Variants in PLA2G12B observed in about 807,000 individuals in gnomAD.
The protein encoded by PLA2G12B is phospholipase A2 group XIIB, also known as group XIIB secretory phospholipase A2-like protein.
Under a neutral mutation model 22.3 loss-of-function variants are expected in PLA2G12B, and 19 were observed. That is an observed-to-expected ratio of 0.85 (90% CI 0.60 to 1.25). The LOEUF (loss-of-function observed/expected upper bound fraction) is 1.25. Ranked by LOEUF, PLA2G12B falls within the 50% of genes most tolerant of loss-of-function variation. The pLI, the probability that PLA2G12B is intolerant of heterozygous loss-of-function variation, is 0.00. For synonymous variants in PLA2G12B, 81 were observed against 94.9 expected, an observed-to-expected ratio of 0.85 and a Z score of 0.85; for missense variants, 191 against 246.6, an observed-to-expected ratio of 0.77 and a Z score of 1.51.
chr10:72,936,804 A>G (rs1459896035), intron 3 of PLA2G12B, among the ~76,000 whole-genome samples: 3 of 152,246 alleles, frequency 2.0e-5, no homozygotes, highest in African/African-American at 7.2e-5. Flanking sequence ...AAGATAAAAA[A>G]TGTTAACAAA....
Position 72,935,092 on chromosome 10 carries a change from T to C in PLA2G12B, c.*525A>G, listed in dbSNP as rs1014621408. On this transcript the variant is annotated 3_prime_UTR_variant, in exon 4 of 4. Transcript: ENST00000373032. ...GCATCAGTGGGAATAACTGTGGTCA[T>C]TGGTGGAACTTACCAGGTTCAGTTT... 3 of 152,660 alleles carry C rather than the reference T, an allele frequency of 2.0e-5. No individual in the cohort carries two copies. The highest frequency in any genetic ancestry group is 2.9e-5 in the Non-Finnish European group (2 of 68,374). The allele number at this position is 152,660 out of a possible 1,614,324, so 9.5% of individuals were successfully genotyped here. A position where few individuals can be genotyped will look rare whatever the true frequency, so the allele number is the denominator to read the frequency against.
rs1172121084 is a variant in PLA2G12B at position 72,954,672 on chromosome 10, C to G, written c.14G>C (p.Ser5Thr). 1 of 1,614,056 alleles carries G rather than the reference C, an allele frequency of 6.2e-7. No individual in the cohort carries two copies. Among genetic ancestry groups the G allele is most frequent in the East Asian group, 2.2e-5 (1 of 44,882 alleles). MKLA[S>T]GFLVLWLSLG... Reference sequence around the variant, plus strand: ...GCTGAGCCACAAAACCAAGAAGCCACTGGCCAGCTTCATCCTGCAGCCAGG... The same window carrying G: ...GCTGAGCCACAAAACCAAGAAGCCAGTGGCCAGCTTCATCCTGCAGCCAGG... The change falls in exon 1 of 4, where the codon AGT becomes ACT. Residue 5 changes from serine to threonine, a missense_variant. Physicochemically the swap from Ser to Thr is moderately conservative, Grantham distance 58. Coordinates refer to ENST00000373032, the MANE Select transcript of PLA2G12B (RefSeq NM_032562.5).
At chr10:72,938,535 T>C (rs952081757) in intron 3 of PLA2G12B, among the ~76,000 whole-genome samples, 1 of 152,140 alleles carries the variant, frequency 6.6e-6, no homozygotes, top group Admixed American at 6.5e-5. Flanking sequence ...TTTCTATACA[T>C]TATTAATAAA....
chr10:72,950,224 C>T (rs1174450122), intron 1 of PLA2G12B, among the ~76,000 whole-genome samples: 1 of 152,114 alleles, frequency 6.6e-6, no homozygotes, highest in Non-Finnish European at 1.5e-5. Context: ...GTCTCACATC[C>T]CAGGAGCATC....
At chr10:72,943,120 C>T (rs1846388429) in intron 1 of PLA2G12B, among the ~76,000 whole-genome samples, 1 of 152,018 alleles carries the variant, frequency 6.6e-6, no homozygotes, top group Non-Finnish European at 1.5e-5. Context: ...CATGTGTCAC[C>T]ACGCCCAGCT....
At chr10:72,942,389 T>C (rs1846377207) in intron 2 of PLA2G12B, among the ~76,000 whole-genome samples, 1 of 152,196 alleles carries the variant, frequency 6.6e-6, no homozygotes, top group African/African-American at 2.4e-5. Flanking sequence ...AGTTATGTCA[T>C]GATGCCCTAA....
chr10:72,952,858 G>A (rs932946892), intron 1 of PLA2G12B, among the ~76,000 whole-genome samples: 8 of 152,130 alleles, frequency 5.3e-5, no homozygotes, highest in South Asian at 2.1e-4. Flanking sequence ...CAGAGGCTCC[G>A]CAACTAAAAT....
At chr10:72,935,845 A>G (rs1846272537) in intron 3 of PLA2G12B, 107 bp from the exon 4 acceptor site, 2 of 1,367,544 alleles carry the variant, frequency 1.5e-6, no homozygotes, top group East Asian at 2.4e-5. Context: ...TAATCCAAAT[A>G]CAGAATTCAA....
chr10:72,954,713 C>T lies in PLA2G12B; in HGVS notation c.-28G>A. On this transcript the variant is annotated 5_prime_UTR_variant, in exon 1 of 4. Transcript: ENST00000373032. The stretch of plus-strand genomic sequence containing the variant: ...TGCAGCCAGGTAGGTACTGGCTTCT[C>T]TCCTCAAACCCCAGCCAGTGTCCCA... The T allele has an allele frequency of 6.2e-7, 1 of 1,609,010 alleles. No individual in the cohort carries two copies. Among genetic ancestry groups the T allele is most frequent in the South Asian group, 1.1e-5 (1 of 91,010 alleles).
At chr10:72,935,884 C>G in intron 3 of PLA2G12B, 146 bp from the exon 4 acceptor site, 1 of 1,167,704 alleles carries the variant, frequency 8.6e-7, no homozygotes, top group Non-Finnish European at 1.2e-6. Context: ...AGAGAATGTT[C>G]TCAGAAAAGC....
At position 72,954,601 on chromosome 10, in the gene PLA2G12B, C is replaced by A; in HGVS notation, c.85G>T (p.Glu29Ter). 1 of 1,614,180 alleles carries A rather than the reference C, an allele frequency of 6.2e-7. No homozygotes were observed. Among genetic ancestry groups the A allele is most frequent in the Non-Finnish European group, 8.5e-7 (1 of 1,180,046 alleles). ...AQSDTSPDTE[E>*]SYSDWGLRHL... The stretch of plus-strand genomic sequence containing the variant: ...CGAAGGCCCCAGTCTGAATAGGACT[C>A]CTCCGTGTCAGGGCTCGTGTCGCTC... Residue 29 changes from glutamate (E) to a stop codon, truncating the protein, a stop_gained, in exon 1 of 4, where the codon GAG (glutamate) becomes TAG (stop). Transcript: ENST00000373032. LOFTEE classifies it high-confidence loss of function.
At chr10:72,935,775 TG>T in intron 3 of PLA2G12B, 37 bp from the exon 4 acceptor site, 1 of 1,600,654 alleles carries the variant, frequency 6.2e-7, no homozygotes, top group Non-Finnish European at 8.5e-7. Flanking sequence ...AGGTTAACCC[TG>T]AGTAATTTTG....
chr10:72,941,058 A>G (rs1455566229), intron 3 of PLA2G12B, 111 bp downstream of exon 3: 4 of 1,197,700 alleles, frequency 3.3e-6, no homozygotes, highest in African/African-American at 1.5e-5. Flanking sequence ...TCCATAAAGA[A>G]TATTCAGTGA....
chr10:72,943,674 A>G (rs141722310), intron 1 of PLA2G12B, among the ~76,000 whole-genome samples: 129 of 152,310 alleles, frequency 8.5e-4, no homozygotes, highest in Non-Finnish European at 1.2e-3. Context: ...CTCACAGGTA[A>G]AGATAACCTT....
In PLA2G12B at chr10:72,954,605, C is replaced by T. The variant is rs752264456; in HGVS notation, c.81G>A (p.Thr27=). Residue 27 remains threonine (T), a synonymous_variant, in exon 1 of 4, where the codon ACG becomes ACA. Transcript: ENST00000373032. ...GLAQSDTSPD[T]EESYSDWGLR... ...GGCCCCAGTCTGAATAGGACTCCTC[C>T]GTGTCAGGGCTCGTGTCGCTCTGAG... 3.7e-6 allele frequency: 6 copies of T among 1,614,170 alleles called. No homozygotes were observed. Among genetic ancestry groups the T allele is most frequent in the African/African-American group, 2.7e-5 (2 of 75,056 alleles).
At chr10:72,939,199 C>G (rs538686699) in intron 3 of PLA2G12B, among the ~76,000 whole-genome samples, 13 of 152,266 alleles carry the variant, frequency 8.5e-5, no homozygotes, top group African/African-American at 2.4e-4. Context: ...TATTTAAAAG[C>G]ATTTAAGTGG....
intron 2 of PLA2G12B, among the ~76,000 whole-genome samples, chr10:72,942,036 C>A (rs1375089630): frequency 1.3e-5 from 2 of 152,104 alleles, no homozygotes; most frequent in Non-Finnish European, 2.9e-5. Context: ...GTAATCCCAG[C>A]ACTTTGGGAG....
At position 72,935,391 on chromosome 10, in the gene PLA2G12B, G is replaced by A; in HGVS notation, c.*226C>T. The A allele has an allele frequency of 2.0e-6, 1 of 499,406 alleles. No individual in the cohort carries two copies. The highest frequency in any genetic ancestry group is 3.4e-6 in the Non-Finnish European group (1 of 297,558). The allele number at this position is 499,406 out of a possible 1,614,324, so 30.9% of individuals were successfully genotyped here. ...CAGGCAAATGTGTCTTGGTTGGGGA[G>A]AGCAGTCTTAAATGAAGAGTAGCTT... On this transcript the variant is annotated 3_prime_UTR_variant, in exon 4 of 4. Transcript: ENST00000373032.
chr10:72,942,065 C>CTTGAG (rs959400659), intron 2 of PLA2G12B, among the ~76,000 whole-genome samples: 7 of 151,688 alleles, frequency 4.6e-5, no homozygotes, highest in Non-Finnish European at 5.9e-5. Context: ...GGGTGGATCA[C>CTTGAG]TTGAGGTCAG....
Sources: allele counts gnomAD v4.1 joint callset (sites outside exome capture counted in the v4.1 genomes callset), GRCh38; gene constraint gnomAD v4.1.1; transcripts MANE v1.5; gene names NCBI Gene and HGNC (gene_info 2026-07-23, HGNC 2026-07-21).